Variants in DNM3 observed in about 807,000 individuals in gnomAD.
DNM3 encodes dynamin-3.
Under a neutral mutation model 101.6 loss-of-function variants are expected in DNM3, and 47 were observed. The observed-to-expected ratio is 0.46, with a 90% CI of 0.37 to 0.59. The LOEUF (loss-of-function observed/expected upper bound fraction) is 0.59, where lower values mean the gene tolerates loss of function less well. Ranked by LOEUF, DNM3 falls within the 20% of genes least tolerant of loss-of-function variation. DNM3 has a pLI of 0.00. For missense variants in DNM3, 849 were observed against 1,085.7 expected, an observed-to-expected ratio of 0.78 and a Z score of 3.06; for synonymous variants, 385 against 387.9, an observed-to-expected ratio of 0.99 and a Z score of 0.09.
chr1:172,311,616 T>C (rs1040917496), intron 16 of DNM3, among the ~76,000 whole-genome samples: 2 of 152,112 alleles, frequency 1.3e-5, no homozygotes, highest in African/African-American at 4.8e-5. Flanking sequence ...ACAAAAACTT[T>C]CAATGAATCT....
Position 172,388,605 on chromosome 1 carries a change from G to A in DNM3, c.2318G>A (p.Arg773Lys). The change falls in exon 20 of 21, where the codon AGG (arginine) becomes AAG (lysine). Residue 773 changes from arginine to lysine, a missense_variant. This residue lies in a region of DNM3 where 256 missense variants were observed against 311.7 expected (regional missense o/e 0.82). Transcript: ENST00000627582. ...SPPPSPTTQR[R>K]PTLSAPLARP... ...CCTCCAAGCCCCACAACCCAAAGGA[G>A]GCCAACACTAAGTGCTCCCCTCGCA... The A allele has an allele frequency of 6.2e-7, 1 of 1,613,984 alleles. No homozygotes were observed. The highest frequency in any genetic ancestry group is 1.6e-4 in the Middle Eastern group (1 of 6,062).
At chr1:172,029,736 A>G (rs1010995852) in intron 4 of DNM3, among the ~76,000 whole-genome samples, 2 of 152,314 alleles carry the variant, frequency 1.3e-5, no homozygotes, top group Admixed American at 1.3e-4. Flanking sequence ...ATGTGCAAAA[A>G]TCACAAGCAT....
Position 172,408,474 on chromosome 1 carries a change from T to C in DNM3, c.*633T>C, listed in dbSNP as rs1190946902. 1 of 985,272 alleles carries C rather than the reference T, an allele frequency of 1.0e-6. No homozygotes were observed. The highest frequency in any genetic ancestry group is 1.2e-6 in the Non-Finnish European group (1 of 829,908). The allele number at this position is 985,272 out of a possible 1,614,324, so 61.0% of individuals were successfully genotyped here. On this transcript the variant is annotated 3_prime_UTR_variant, in exon 21 of 21. Coordinates refer to ENST00000627582, the MANE Select transcript of DNM3 (RefSeq NM_015569.5). ...AAGAGCTTCTCCTCATTCCAATGTG[T>C]TTTGCTTCATGCTAGAAGCATATGC...
chr1:172,295,724 A>G (rs1308497901), intron 15 of DNM3, among the ~76,000 whole-genome samples: 7 of 152,216 alleles, frequency 4.6e-5, no homozygotes, highest in Non-Finnish European at 8.8e-5. Flanking sequence ...GGCTAAGCAC[A>G]CAGTCATGGC....
chr1:172,059,169 C>A (rs1401704105), intron 10 of DNM3, among the ~76,000 whole-genome samples: 1 of 150,192 alleles, frequency 6.7e-6, no homozygotes, highest in South Asian at 2.1e-4. Context: ...TCTGAATAGA[C>A]CAATAACAGG....
At chr1:172,131,429 C>A in intron 14 of DNM3, 141 bp downstream of exon 14, 2 of 677,086 alleles carry the variant, frequency 3.0e-6, no homozygotes, top group Non-Finnish European at 2.4e-6. Flanking sequence ...TTTAAAAAGG[C>A]ACTATTATTT....
At position 172,076,746 on chromosome 1, in the gene DNM3, A is replaced by T. The variant is rs182976032; in HGVS notation, c.1423-5086A>T. On this transcript the variant is annotated intron_variant, in intron 11 of 20. Coordinates refer to ENST00000627582, the MANE Select transcript of DNM3 (RefSeq NM_015569.5). ...TATTTTATTGAGGATTTTCACATTG[A>T]TGTTCATCAGGATATTGGCCTGAAA... Among the ~76,000 whole-genome samples the T allele has an allele frequency of 2.6e-5, 4 of 152,216 alleles. No individual in the cohort carries two copies. The East Asian group carries it at 7.7e-4, about 29-fold the overall frequency.
At chr1:171,886,101 G>T (rs910672834) in intron 1 of DNM3, among the ~76,000 whole-genome samples, 1 of 152,136 alleles carries the variant, frequency 6.6e-6, no homozygotes, top group African/African-American at 2.4e-5. Context: ...CTTAAATTCT[G>T]GGAATTTTGC....
In DNM3 at chr1:171,841,503, C is replaced by G; in HGVS notation, c.-154C>G. ...GCTGCGGGTCGTTAGCTGTCAGAGC[C>G]AAGCGGCGGGCTGGCGGCGGGCTCC... On this transcript the variant is annotated 5_prime_UTR_variant, in exon 1 of 21. Transcript: ENST00000627582. 9.0e-7 allele frequency: 1 copy of G among 1,113,266 alleles called. No homozygotes were observed. Among genetic ancestry groups the G allele is most frequent in the Non-Finnish European group, 1.2e-6 (1 of 825,746 alleles). The allele number at this position is 1,113,266 out of a possible 1,614,324, so 69.0% of individuals were successfully genotyped here. A position where few individuals can be genotyped will look rare whatever the true frequency, so the allele number is the denominator to read the frequency against.
intron 11 of DNM3, among the ~76,000 whole-genome samples, chr1:172,069,207 C>T (rs974020655): frequency 6.6e-6 from 1 of 152,132 alleles, no homozygotes; most frequent in African/African-American, 2.4e-5. Flanking sequence ...ATACATCCTA[C>T]TTTGAAAACC....
intron 16 of DNM3, chr1:172,309,723 G>A (rs2065000742): frequency 6.6e-6 from 1 of 152,196 alleles, no homozygotes; most frequent in Non-Finnish European, 1.5e-5. Context: ...TTCAAAATAG[G>A]GAGAGAGTCT....
chr1:172,084,434 T>A (rs2053386203), intron 12 of DNM3, among the ~76,000 whole-genome samples: 1 of 152,180 alleles, frequency 6.6e-6, no homozygotes, highest in South Asian at 2.1e-4. Context: ...ATTTTTTAGC[T>A]GCTAATATCA....
intron 15 of DNM3, among the ~76,000 whole-genome samples, chr1:172,292,226 A>G (rs1456602205): frequency 6.6e-6 from 1 of 152,218 alleles, no homozygotes; most frequent in East Asian, 1.9e-4. Flanking sequence ...ATAAGCCTCA[A>G]GTTGATATTA....
intron 10 of DNM3, among the ~76,000 whole-genome samples, chr1:172,049,598 G>T (rs2125865519): frequency 6.6e-6 from 1 of 152,238 alleles, no homozygotes; most frequent in Non-Finnish European, 1.5e-5. Context: ...ATCTTGTATT[G>T]AAAAACACAA....
chr1:172,282,183 C>T (rs374393202), intron 15 of DNM3, among the ~76,000 whole-genome samples: 1 of 152,122 alleles, frequency 6.6e-6, no homozygotes, highest in Non-Finnish European at 1.5e-5. Flanking sequence ...TTGTCTTGTC[C>T]GTTGCTCATC....
At chr1:172,218,741 C>A (rs548260341) in intron 14 of DNM3, among the ~76,000 whole-genome samples, 1 of 152,160 alleles carries the variant, frequency 6.6e-6, no homozygotes, top group South Asian at 2.1e-4. Flanking sequence ...TATGAGTGAG[C>A]TATAACCTCC....
chr1:171,856,930 A>C (rs749421251), intron 1 of DNM3, among the ~76,000 whole-genome samples: 13 of 152,208 alleles, frequency 8.5e-5, no homozygotes, highest in Non-Finnish European at 1.8e-4. Flanking sequence ...GTAAACTAGT[A>C]GAATTTGAAA....
At chr1:172,283,780 A>AAAAAGAAAG (rs1553221113) in intron 15 of DNM3, among the ~76,000 whole-genome samples, 14 of 119,100 alleles carry the variant, frequency 1.2e-4, no homozygotes, top group South Asian at 2.8e-4. Flanking sequence ...AAAAAAAAAA[A>AAAAAGAAAG]AAAGAAAGAA....
At chr1:172,180,452 TGATA>T (rs1014986876) in intron 14 of DNM3, among the ~76,000 whole-genome samples, 42 of 152,218 alleles carry the variant, frequency 2.8e-4, no homozygotes, top group Non-Finnish European at 8.8e-5. Flanking sequence ...GAAAATATTC[TGATA>T]GATAAATAGT....
Sources: allele counts gnomAD v4.1 joint callset (sites outside exome capture counted in the v4.1 genomes callset), GRCh38; gene constraint gnomAD v4.1.1; regional missense constraint gnomAD v4.1.1; transcripts MANE v1.5; gene names NCBI Gene and HGNC (gene_info 2026-07-23, HGNC 2026-07-21).